TMC1: variants seen among roughly 807,000 people sequenced by gnomAD.
The protein encoded by TMC1 is transmembrane channel-like protein 1.
In TMC1, 84 loss-of-function variants were observed where a neutral mutation model predicts 105.8. That is an observed-to-expected ratio of 0.79 (90% CI 0.67 to 0.95). The LOEUF (loss-of-function observed/expected upper bound fraction) is 0.95. Among genes scored for constraint, TMC1 ranks in the 40% least tolerant of loss-of-function variants. The probability of loss-of-function intolerance (pLI) is 0.00; values close to 1 mark genes in which losing one functional copy is unlikely to be tolerated. For synonymous variants in TMC1, 315 were observed against 311.5 expected, an observed-to-expected ratio of 1.01 and a Z score of -0.12; for missense variants, 817 against 914.1, an observed-to-expected ratio of 0.89 and a Z score of 1.37.
At chr9:72,560,098 A>C (rs1243671479) in intron 1 of TMC1, among the ~76,000 whole-genome samples, 1 of 152,170 alleles carries the variant, frequency 6.6e-6, no homozygotes, top group Admixed American at 6.5e-5. Context: ...TATCACCCCT[A>C]TGTTTGCTTG....
intron 23 of TMC1, among the ~76,000 whole-genome samples, chr9:72,831,800 G>A (rs906319930): frequency 6.6e-6 from 1 of 152,012 alleles, no homozygotes; most frequent in African/African-American, 2.4e-5. Context: ...GTATTCCATG[G>A]TGTATATGTG....
chr9:72,681,384 A>G (rs1181391170), intron 5 of TMC1, among the ~76,000 whole-genome samples: 1 of 152,112 alleles, frequency 6.6e-6, no homozygotes, highest in East Asian at 1.9e-4. Flanking sequence ...TTTATTGAAT[A>G]TGTATAGTTT....
intron 5 of TMC1, among the ~76,000 whole-genome samples, chr9:72,685,781 A>G (rs1363733776): frequency 6.6e-6 from 1 of 152,232 alleles, no homozygotes; most frequent in African/African-American, 2.4e-5. Flanking sequence ...GTGAGCACAC[A>G]ATAAATGGTA....
chr9:72,727,931 G>A (rs1383038070), intron 8 of TMC1, among the ~76,000 whole-genome samples: 1 of 152,008 alleles, frequency 6.6e-6, no homozygotes, highest in Non-Finnish European at 1.5e-5. Flanking sequence ...TATCCAGAGA[G>A]ACATTTATAA....
At chr9:72,691,678 C>CT (rs986356964) in intron 6 of TMC1, among the ~76,000 whole-genome samples, 7 of 152,050 alleles carry the variant, frequency 4.6e-5, no homozygotes, top group Non-Finnish European at 5.9e-5. Flanking sequence ...GTCCTGAGTT[C>CT]TTTTTTTTGT....
At chr9:72,652,245 C>T (rs1340675524) in intron 5 of TMC1, among the ~76,000 whole-genome samples, 34 of 152,076 alleles carry the variant, frequency 2.2e-4, no homozygotes, top group Non-Finnish European at 7.4e-5. Context: ...AGGAAGGCAG[C>T]AGAAAGAGGT....
At chr9:72,526,983 G>T (rs954413892) in intron 1 of TMC1, among the ~76,000 whole-genome samples, 2 of 152,180 alleles carry the variant, frequency 1.3e-5, no homozygotes, top group African/African-American at 2.4e-5. Flanking sequence ...TGCCATTTAG[G>T]CATGAATCCA....
At chr9:72,713,586 G>A (rs1225189738) in intron 8 of TMC1, among the ~76,000 whole-genome samples, 1 of 152,130 alleles carries the variant, frequency 6.6e-6, no homozygotes, top group East Asian at 1.9e-4. Context: ...TTCTCTGATG[G>A]TAGTTTGTAT....
At chr9:72,682,060 A>G (rs1033974830) in intron 5 of TMC1, among the ~76,000 whole-genome samples, 1 of 152,132 alleles carries the variant, frequency 6.6e-6, no homozygotes, top group African/African-American at 2.4e-5. Flanking sequence ...TGGATTGGTG[A>G]GTCCTACCAA....
At chr9:72,692,339 G>T (rs1239864433) in intron 6 of TMC1, among the ~76,000 whole-genome samples, 1 of 152,162 alleles carries the variant, frequency 6.6e-6, no homozygotes, top group Admixed American at 6.5e-5. Context: ...TATTGTGTTA[G>T]CAGAGAGGGA....
At chr9:72,643,926 C>G (rs1335018210) in intron 4 of TMC1, among the ~76,000 whole-genome samples, 1 of 152,130 alleles carries the variant, frequency 6.6e-6, no homozygotes, top group Non-Finnish European at 1.5e-5. Flanking sequence ...TCACCATCCC[C>G]CTTCCAACAC....
rs140819801 is a variant in TMC1, at chr9:72,586,626, G to A, written c.-306+8603G>A. 8.5e-5 allele frequency among the ~76,000 whole-genome samples: 13 copies of A among 152,298 alleles called. No individual in the cohort carries two copies. In the East Asian group the frequency reaches 2.5e-3, roughly 29 times the overall value. ...CTTATCTCTGTAGTTGGGTACCGTT[G>A]TGCAGTCTGTGCACTGCCCAGCCAT... On this transcript the variant is annotated intron_variant, in intron 2 of 23. Transcript: ENST00000297784.
intron 17 of TMC1, among the ~76,000 whole-genome samples, chr9:72,796,983 C>A (rs538278224): frequency 6.6e-6 from 1 of 152,058 alleles, no homozygotes. Flanking sequence ...CCCATTACCC[C>A]GGCCCAAAAG....
Position 72,745,933 on chromosome 9 carries a change from A to G in TMC1, c.535+3408A>G, listed in dbSNP as rs73647817. Among the ~76,000 whole-genome samples the G allele has an allele frequency of 5.6e-3, 853 of 152,262 alleles. 11 individuals carry two copies. The highest frequency in any genetic ancestry group is 0.02 in the African/African-American group (833 of 41,550). On this transcript the variant is annotated intron_variant, in intron 10 of 23. Transcript: ENST00000297784. ...AAGATCATTTCCAGCTCAACATTCT[A>G]TGATGTGTAAGTTACAGTCAGTTTT...
chr9:72,802,973 C>T (rs1828501768), intron 17 of TMC1, among the ~76,000 whole-genome samples: 1 of 152,152 alleles, frequency 6.6e-6, no homozygotes, highest in African/African-American at 2.4e-5. Context: ...CACTACCTGA[C>T]TTCAAACCAT....
chr9:72,687,849 G>A (rs1489522569), intron 5 of TMC1, among the ~76,000 whole-genome samples: 6 of 152,000 alleles, frequency 3.9e-5, no homozygotes, highest in African/African-American at 1.2e-4. Context: ...TAAAATTCAT[G>A]TTTTATAAGC....
chr9:72,741,638 A>G (rs1395824121), intron 9 of TMC1: 2 of 154,694 alleles, frequency 1.3e-5, no homozygotes, highest in African/African-American at 4.8e-5. Context: ...GTTCCACTGC[A>G]GAAGGCAGAT....
intron 8 of TMC1, among the ~76,000 whole-genome samples, chr9:72,725,321 GTATGTATATATATATA>G (rs1251728845): frequency 8.6e-5 from 3 of 34,900 alleles, no homozygotes; most frequent in African/African-American, 3.9e-4. Context: ...TTTTATGTGT[GTATGTATATATATATA>G]TATATATATA....
At chr9:72,567,118 G>C (rs1824171737) in intron 1 of TMC1, among the ~76,000 whole-genome samples, 1 of 152,178 alleles carries the variant, frequency 6.6e-6, no homozygotes, top group Admixed American at 6.5e-5. Context: ...GCCATGATGA[G>C]TTCCTCTCAA....
Sources: gnomAD v4.1 joint callset for allele counts (sites outside exome capture counted in the v4.1 genomes callset) on GRCh38, gnomAD v4.1.1 for gene constraint, MANE v1.5 for transcripts, NCBI Gene and HGNC (gene_info 2026-07-23, HGNC 2026-07-21) for gene names.